Variants in VSTM2A observed in about 807,000 individuals in gnomAD.
VSTM2A encodes the protein V-set and transmembrane domain-containing protein 2A.
In VSTM2A, 13 loss-of-function variants were observed where a neutral mutation model predicts 27.3. That is an observed-to-expected ratio of 0.48 (90% CI 0.31 to 0.76). The LOEUF is 0.76. Ranked by LOEUF, VSTM2A falls within the 30% of genes least tolerant of loss-of-function variation. The pLI, the probability that VSTM2A is intolerant of heterozygous loss-of-function variation, is 0.05. For synonymous variants in VSTM2A, 142 were observed against 125.7 expected, an observed-to-expected ratio of 1.13 and a Z score of -0.87; for missense variants, 280 against 310.0, an observed-to-expected ratio of 0.90 and a Z score of 0.73.
At chr7:54,555,143 A>G (rs1293593510) in intron 4 of VSTM2A, among the ~76,000 whole-genome samples, 1 of 152,208 alleles carries the variant, frequency 6.6e-6, no homozygotes, top group Non-Finnish European at 1.5e-5. Flanking sequence ...TTGTCTCCCT[A>G]AAACATCCTT....
At chr7:54,548,937 AC>A (rs1788091260) in intron 3 of VSTM2A, among the ~76,000 whole-genome samples, 1 of 151,402 alleles carries the variant, frequency 6.6e-6, no homozygotes, top group African/African-American at 2.4e-5. Context: ...TGTCTTATGA[AC>A]CCTATCATTG....
intron 1 of VSTM2A, 127 bp from the exon 2 acceptor site, chr7:54,544,495 A>G: frequency 1.7e-6 from 2 of 1,173,926 alleles, no homozygotes; most frequent in Non-Finnish European, 2.5e-6. Context: ...AACCAGACGA[A>G]GCCGAGGATG....
intron 3 of VSTM2A, among the ~76,000 whole-genome samples, chr7:54,547,867 A>G (rs1200393557): frequency 6.6e-6 from 1 of 152,192 alleles, no homozygotes; most frequent in Non-Finnish European, 1.5e-5. Context: ...GAGTTACATC[A>G]TAACTAAAAA....
At chr7:54,548,989 C>T (rs1037621848) in intron 3 of VSTM2A, among the ~76,000 whole-genome samples, 2 of 150,374 alleles carry the variant, frequency 1.3e-5, no homozygotes. Flanking sequence ...TTAAACCTAA[C>T]TGTTCTGATA....
chr7:54,545,698 G>A (rs1403979363), intron 2 of VSTM2A, among the ~76,000 whole-genome samples: 1 of 104,072 alleles, frequency 9.6e-6, no homozygotes, highest in Non-Finnish European at 1.9e-5. Flanking sequence ...AAGGGAGAGA[G>A]GGAAGGGAAA....
intron 4 of VSTM2A, chr7:54,551,163 GCACA>G (rs903537275): frequency 1.1e-4 from 15 of 137,080 alleles, no homozygotes; most frequent in South Asian, 9.5e-4. Context: ...ACACACACAC[GCACA>G]CACACACACA....
At chr7:54,554,070 C>A (rs1334596289) in intron 4 of VSTM2A, 1 of 1,551,954 alleles carries the variant, frequency 6.4e-7, no homozygotes. Context: ...GCTGGCTCCT[C>A]CAGGTAAATT....
chr7:54,564,569 C>T (rs1448619799), intron 4 of VSTM2A, among the ~76,000 whole-genome samples: 2 of 152,174 alleles, frequency 1.3e-5, no homozygotes, highest in African/African-American at 4.8e-5. Flanking sequence ...ACTTAGTTTT[C>T]TCCACTCAGC....
chr7:54,567,292 A>G (rs757610266), intron 4 of VSTM2A, among the ~76,000 whole-genome samples: 65 of 152,252 alleles, frequency 4.3e-4, no homozygotes, highest in Admixed American at 1.2e-3. Context: ...CAAAAGTACT[A>G]TGCTTCAATA....
At chr7:54,558,488 G>A (rs1204859598) in intron 4 of VSTM2A, 2 of 152,112 alleles carry the variant, frequency 1.3e-5, no homozygotes, top group African/African-American at 4.8e-5. Flanking sequence ...AGCATTAAAT[G>A]AGATAATGGA....
intron 3 of VSTM2A, 156 bp downstream of exon 3, chr7:54,547,153 A>T: frequency 1.5e-6 from 1 of 686,328 alleles, no homozygotes; most frequent in South Asian, 2.3e-5. Flanking sequence ...AAGCACATTT[A>T]GAGTCCCTAA....
intron 2 of VSTM2A, among the ~76,000 whole-genome samples, chr7:54,546,486 C>T (rs559156839): frequency 1.3e-4 from 19 of 151,766 alleles, no homozygotes; most frequent in Admixed American, 4.6e-4. Flanking sequence ...GAAAATTCGT[C>T]CCGGAGCACT....
rs749397760 is a variant in VSTM2A at position 54,546,971 on chromosome 7, C to G, written c.271C>G (p.Pro91Ala). The change falls in exon 3 of 5, where the codon CCG becomes GCG. Residue 91 changes from proline to alanine, a missense_variant. By Grantham distance (27) the Pro-to-Ala change is conservative. Coordinates refer to ENST00000402613, the MANE Select transcript of VSTM2A (RefSeq NM_001301009.2). ...GGTGGAGCTCTTGCCCGACAGAGAC[C>G]CGGACAGCGACGGGACCAAGATCAG... ...AQVELLPDRD[P>A]DSDGTKISTV... 28 of 1,594,936 alleles carry G rather than the reference C, an allele frequency of 1.8e-5. No individual in the cohort carries two copies. The East Asian group carries it at 6.4e-4, about 36-fold the overall frequency.
chr7:54,547,705 C>T (rs1051145855), intron 3 of VSTM2A, among the ~76,000 whole-genome samples: 18 of 151,972 alleles, frequency 1.2e-4, no homozygotes, highest in Admixed American at 7.2e-4. Flanking sequence ...TAAATAGAAA[C>T]GAAATAGGTA....
chr7:54,550,434 A>G (rs1246337918), intron 4 of VSTM2A: 5 of 817,074 alleles, frequency 6.1e-6, no homozygotes, highest in Admixed American at 3.4e-5. Context: ...TCCTTTCTGT[A>G]TTTACACATT....
intron 4 of VSTM2A, chr7:54,551,230 A>G (rs1788183152): frequency 6.6e-6 from 1 of 152,138 alleles, no homozygotes; most frequent in African/African-American, 2.4e-5. Context: ...AAATATATAT[A>G]TACATGTAGA....
intron 3 of VSTM2A, among the ~76,000 whole-genome samples, chr7:54,549,550 C>T (rs992518063): frequency 2.0e-5 from 3 of 152,164 alleles, no homozygotes; most frequent in East Asian, 3.8e-4. Context: ...GGAAAAATGA[C>T]GGAGCTGCTA....
intron 4 of VSTM2A, chr7:54,554,138 C>G: frequency 3.9e-6 from 6 of 1,536,734 alleles, no homozygotes; most frequent in Non-Finnish European, 5.3e-6. Flanking sequence ...CTCCTGCTTC[C>G]AATTCCCCAC....
chr7:54,568,966 G>A (rs1465675803), intron 4 of VSTM2A, 165 bp from the exon 5 acceptor site: 1 of 1,561,036 alleles, frequency 6.4e-7, no homozygotes, highest in South Asian at 1.2e-5. Flanking sequence ...AGGAGCGTTG[G>A]AAATCTTCAA....
Sources: gnomAD v4.1 joint callset for allele counts (sites outside exome capture counted in the v4.1 genomes callset) on GRCh38, gnomAD v4.1.1 for gene constraint, MANE v1.5 for transcripts, NCBI Gene and HGNC (gene_info 2026-07-23, HGNC 2026-07-21) for gene names.